PTPRG: variants seen among roughly 807,000 people sequenced by gnomAD.
PTPRG encodes receptor-type tyrosine-protein phosphatase gamma.
In PTPRG, 102 loss-of-function variants were observed where a neutral mutation model predicts 165.3. That is an observed-to-expected ratio of 0.62 (90% confidence interval 0.53 to 0.73). The LOEUF (loss-of-function observed/expected upper bound fraction) is 0.73, where lower values mean the gene tolerates loss of function less well. Among genes scored for constraint, PTPRG ranks in the 30% least tolerant of loss-of-function variants. The probability of loss-of-function intolerance (pLI) is 0.00; values close to 1 mark genes in which losing one functional copy is unlikely to be tolerated. For missense variants in PTPRG, 1,866 were observed against 1,861.4 expected (o/e 1.00, Z -0.05); for synonymous variants, 675 against 669.5 (o/e 1.01, Z -0.13).
intron 1 of PTPRG, among the ~76,000 whole-genome samples, chr3:61,586,057 A>C (rs952847791): frequency 6.6e-6 from 1 of 152,194 alleles, no homozygotes; most frequent in Admixed American, 6.5e-5. Context: ...GAGACAAAGG[A>C]AATTATTAAT....
At position 62,078,235 on chromosome 3, in the gene PTPRG, G is replaced by A. The variant is rs1226700841; in HGVS notation, c.592G>A (p.Gly198Arg). The change falls in exon 5 of 30, where the codon GGA (glycine) becomes AGA (arginine). Residue 198 changes from glycine (G) to arginine (R), a missense_variant. Transcript: ENST00000474889. Reference protein sequence around the residue: ...QTAISENRIIGAMAIFFQVSP... With the variant: ...QTAISENRIIRAMAIFFQVSP... ...CGCAATTTCTGAGAACAGAATAATC[G>A]GAGCCATGGCCATATTTTTTCAAGT... is the stretch of plus-strand genomic sequence containing the variant. 7.5e-6 allele frequency: 12 copies of A among 1,604,116 alleles called. No homozygotes were observed. The highest frequency in any genetic ancestry group is 1.0e-5 in the Non-Finnish European group (12 of 1,174,708).
At chr3:62,113,626 G>C (rs934105299) in intron 5 of PTPRG, among the ~76,000 whole-genome samples, 3 of 152,154 alleles carry the variant, frequency 2.0e-5, no homozygotes, top group Admixed American at 6.5e-5. Flanking sequence ...CAAATGTCAA[G>C]CAACATGAGG....
At chr3:61,667,951 A>G (rs1187261738) in intron 1 of PTPRG, among the ~76,000 whole-genome samples, 1 of 152,158 alleles carries the variant, frequency 6.6e-6, no homozygotes. Flanking sequence ...TTATTGGTCA[A>G]GGTGTAGGGG....
chr3:62,055,777 G>C (rs142745771), intron 4 of PTPRG, among the ~76,000 whole-genome samples: 1 of 152,054 alleles, frequency 6.6e-6, no homozygotes, highest in Non-Finnish European at 1.5e-5. Flanking sequence ...TCTTTGTGTG[G>C]CATTCTCCTT....
chr3:61,705,481 T>C (rs2031198249), intron 1 of PTPRG, among the ~76,000 whole-genome samples: 1 of 152,078 alleles, frequency 6.6e-6, no homozygotes, highest in South Asian at 2.1e-4. Flanking sequence ...GCTAAATAAC[T>C]TTTAAGTTTG....
At chr3:62,198,586 A>G (rs2106826878) in intron 10 of PTPRG, among the ~76,000 whole-genome samples, 1 of 152,340 alleles carries the variant, frequency 6.6e-6, no homozygotes, top group Non-Finnish European at 1.5e-5. Context: ...TAGATAAATA[A>G]GTGAAATACA....
chr3:62,039,275 T>G (rs1010770545), intron 4 of PTPRG, among the ~76,000 whole-genome samples: 5 of 151,922 alleles, frequency 3.3e-5, no homozygotes, highest in African/African-American at 9.7e-5. Context: ...TTTTGTTTTT[T>G]TTTTTAAAGA....
At chr3:61,681,066 A>AAG (rs1553648890) in intron 1 of PTPRG, among the ~76,000 whole-genome samples, 1 of 150,676 alleles carries the variant, frequency 6.6e-6, no homozygotes, top group East Asian at 1.9e-4. Context: ...AAAAAAAAAA[A>AAG]AAAAAAAAAA....
intron 2 of PTPRG, among the ~76,000 whole-genome samples, chr3:61,768,590 G>A (rs1413377050): frequency 1.3e-5 from 2 of 152,174 alleles, no homozygotes; most frequent in African/African-American, 2.4e-5. Flanking sequence ...TGGCAGGAGG[G>A]TTCTGTGACC....
At chr3:61,778,969 G>A (rs2034464625) in intron 2 of PTPRG, among the ~76,000 whole-genome samples, 1 of 152,022 alleles carries the variant, frequency 6.6e-6, no homozygotes, top group Admixed American at 6.6e-5. Flanking sequence ...GAGGAAGGAA[G>A]GAGCTGGATC....
rs760265818 is a variant in PTPRG, at chr3:62,296,137, A to G, written c.*2830A>G. ...AAGACATGCTGTTGCCATCAGGAGA[A>G]CTCTTTCTTATATGCGATAGCCAAG... On this transcript the variant is annotated 3_prime_UTR_variant, in exon 30 of 30. Coordinates refer to ENST00000474889, the MANE Select transcript of PTPRG (RefSeq NM_002841.4). 2.0e-5 allele frequency: 3 copies of G among 151,952 alleles called. No homozygotes were observed. Among genetic ancestry groups the G allele is most frequent in the Non-Finnish European group, 4.4e-5 (3 of 67,952 alleles). 9.4% of individuals were successfully genotyped at this position (151,952 alleles called of 1,614,324 possible). A position where few individuals can be genotyped will look rare whatever the true frequency, so the allele number is the denominator to read the frequency against.
chr3:61,959,120 A>G lies in PTPRG; in HGVS notation c.191-30505A>G, dbSNP rs537623402. Among the ~76,000 whole-genome samples the G allele has an allele frequency of 5.2e-4, 79 of 152,364 alleles. No individual in the cohort carries two copies. The Middle Eastern group carries it at 0.014, about 26-fold the overall frequency. On this transcript the variant is annotated intron_variant, in intron 2 of 29. Coordinates refer to ENST00000474889, the MANE Select transcript of PTPRG (RefSeq NM_002841.4). The stretch of plus-strand genomic sequence containing the variant: ...CTCTTTCATTAAGTAATGACTTACC[A>G]GGAATGCTGCTCCCTCCGGTCCCTG...
chr3:61,926,856 G>A (rs1168698380), intron 2 of PTPRG, among the ~76,000 whole-genome samples: 3 of 151,822 alleles, frequency 2.0e-5, no homozygotes, highest in African/African-American at 7.3e-5. Context: ...AGCAAGTTCT[G>A]ACAGTGTTCA....
At chr3:62,149,575 C>T (rs1020542616) in intron 6 of PTPRG, among the ~76,000 whole-genome samples, 2 of 152,108 alleles carry the variant, frequency 1.3e-5, no homozygotes, top group Non-Finnish European at 2.9e-5. Context: ...CGGCCATCTT[C>T]GTTCTAATCT....
chr3:62,149,166 G>A (rs1422213419), intron 6 of PTPRG, among the ~76,000 whole-genome samples: 1 of 151,996 alleles, frequency 6.6e-6, no homozygotes, highest in Non-Finnish European at 1.5e-5. Flanking sequence ...ATGACAGAAC[G>A]ATGACATGCT....
intron 2 of PTPRG, among the ~76,000 whole-genome samples, chr3:61,808,148 TTG>T (rs755890698): frequency 2.0e-5 from 3 of 152,244 alleles, no homozygotes; most frequent in South Asian, 4.1e-4. Flanking sequence ...ATTGGACCTT[TTG>T]TGTGTGTAAC....
chr3:61,840,057 T>C (rs1282150341), intron 2 of PTPRG, among the ~76,000 whole-genome samples: 3 of 152,322 alleles, frequency 2.0e-5, no homozygotes, highest in Admixed American at 2.0e-4. Flanking sequence ...ATGTATACAC[T>C]TATAGTTTAT....
At chr3:61,738,269 TATATATATA>T (rs2032808473) in intron 1 of PTPRG, among the ~76,000 whole-genome samples, 1 of 76,144 alleles carries the variant, frequency 1.3e-5, no homozygotes, top group African/African-American at 5.6e-5. Context: ...TATATATATA[TATATATATA>T]CATATATATA....
chr3:62,153,319 C>T (rs537618586), intron 6 of PTPRG, among the ~76,000 whole-genome samples: 3 of 152,364 alleles, frequency 2.0e-5, no homozygotes, highest in Admixed American at 1.3e-4. Flanking sequence ...TGTCTGTTAA[C>T]TTGCTTAATT....
Sources: allele counts gnomAD v4.1 joint callset (sites outside exome capture counted in the v4.1 genomes callset), GRCh38; gene constraint gnomAD v4.1.1; transcripts MANE v1.5; gene names NCBI Gene and HGNC (gene_info 2026-07-23, HGNC 2026-07-21).